PHLDB2: variants seen among roughly 807,000 people sequenced by gnomAD.
PHLDB2 encodes pleckstrin homology like domain family B member 2, also known as pleckstrin homology-like domain family B member 2.
In PHLDB2, 71 loss-of-function variants were observed where a neutral mutation model predicts 123.6. The ratio of observed to expected loss-of-function variants is 0.57; its 90% CI spans 0.47 to 0.70. The LOEUF is 0.70. PHLDB2 is among the 30% of genes least tolerant of loss of function. The probability of loss-of-function intolerance (pLI) is 0.00; values close to 1 mark genes in which losing one functional copy is unlikely to be tolerated. For synonymous variants in PHLDB2, 547 were observed against 541.6 expected (o/e 1.01, Z -0.14); for missense variants, 1,446 against 1,519.5 (o/e 0.95, Z 0.80).
intron 1 of PHLDB2, among the ~76,000 whole-genome samples, chr3:111,821,894 G>A (rs2062402203): frequency 6.6e-6 from 1 of 152,206 alleles, no homozygotes; most frequent in Admixed American, 6.5e-5. Context: ...ACCTAGGGGA[G>A]GCCCAGCAGG....
At chr3:111,761,710 G>A (rs968151646) in intron 1 of PHLDB2, among the ~76,000 whole-genome samples, 1 of 152,140 alleles carries the variant, frequency 6.6e-6, no homozygotes, top group Non-Finnish European at 1.5e-5. Flanking sequence ...ACATGTGGGT[G>A]GGGCAAGAGA....
intron 1 of PHLDB2, among the ~76,000 whole-genome samples, chr3:111,807,021 AT>A (rs555410099): frequency 4.0e-5 from 6 of 151,730 alleles, no homozygotes; most frequent in Admixed American, 4.0e-4. Flanking sequence ...ACATTTGCCG[AT>A]TCTCAGTCCA....
chr3:111,780,328 GAAGAAGAAGAAGAAGAAGAA>G lies in PHLDB2; in HGVS notation c.-49+47626_-49+47645del, dbSNP rs1328857940. On this transcript the variant is annotated intron_variant, in intron 1 of 17. Transcript: ENST00000393923. The stretch of plus-strand genomic sequence containing the variant: ...GGAAGAGGAAGAGGAAGAGGAAGAA[GAAGAAGAAGAAGAAGAAGAA>G]GAAGAAGAAGAAGAAGAAGAAGAAG... 2.8e-3 allele frequency among the ~76,000 whole-genome samples: 32 copies of G among 11,610 alleles called. 1 individual carries two copies. Among genetic ancestry groups the G allele is most frequent in the South Asian group, 0.019 (1 of 54 alleles). 7.6% of individuals were successfully genotyped at this position (11,610 alleles called of 152,430 possible).
At chr3:111,952,995 A>T (rs1157670435) in intron 11 of PHLDB2, among the ~76,000 whole-genome samples, 1 of 152,224 alleles carries the variant, frequency 6.6e-6, no homozygotes, top group African/African-American at 2.4e-5. Context: ...TGCATCCCAC[A>T]TCTGGAGATA....
intron 12 of PHLDB2, among the ~76,000 whole-genome samples, chr3:111,959,134 A>G (rs1029085217): frequency 4.6e-5 from 7 of 152,218 alleles, no homozygotes; most frequent in East Asian, 3.8e-4. Context: ...CTGATCTTCT[A>G]TGACGTTTCC....
At chr3:111,894,997 TAAAG>T (rs2066740010) in intron 2 of PHLDB2, among the ~76,000 whole-genome samples, 1 of 151,734 alleles carries the variant, frequency 6.6e-6, no homozygotes. Context: ...GATTAAATAT[TAAAG>T]GAATTAATCA....
chr3:111,968,290 T>C (rs2071933816), intron 15 of PHLDB2, among the ~76,000 whole-genome samples: 1 of 152,184 alleles, frequency 6.6e-6, no homozygotes, highest in Non-Finnish European at 1.5e-5. Context: ...CCAAGTCCAG[T>C]GTCTTTGTCA....
At chr3:111,792,035 A>C (rs1309910282) in intron 1 of PHLDB2, among the ~76,000 whole-genome samples, 1 of 152,096 alleles carries the variant, frequency 6.6e-6, no homozygotes, top group South Asian at 2.1e-4. Flanking sequence ...CTTCCATGAG[A>C]TCAACTTTTT....
chr3:111,940,984 G>T (rs2069838664), intron 8 of PHLDB2, among the ~76,000 whole-genome samples: 1 of 152,160 alleles, frequency 6.6e-6, no homozygotes, highest in East Asian at 1.9e-4. Flanking sequence ...CACCAATTTA[G>T]GGTGGACTTA....
rs200159078 is a variant in PHLDB2 at position 111,919,099 on chromosome 3, A to G, written c.1747A>G (p.Arg583Gly). ...KTPEGISEEQ[R>G]SQELAAMEET... ...CCCAGAGGGTATAAGTGAAGAACAG[A>G]GATCTCAGGAGTTGGCTGCAATGGA... Residue 583 changes from arginine (R) to glycine (G), a missense_variant, in exon 4 of 18, where the codon AGA becomes GGA. Arg to Gly is a moderately radical substitution (Grantham distance 125). Around this residue, in one of 3 missense-constraint regions of PHLDB2, gnomAD observed 832 missense variants for 831.9 expected, o/e 1.00. Coordinates refer to ENST00000431670, the MANE Select transcript of PHLDB2 (RefSeq NM_001134438.2). The G allele has an allele frequency of 6.4e-5, 104 of 1,613,948 alleles. No individual in the cohort carries two copies. Among genetic ancestry groups the G allele is most frequent in the Non-Finnish European group, 8.6e-5 (102 of 1,179,886 alleles).
chr3:111,848,381 C>T (rs974955670), intron 2 of PHLDB2, among the ~76,000 whole-genome samples: 3 of 152,198 alleles, frequency 2.0e-5, no homozygotes, highest in Non-Finnish European at 4.4e-5. Context: ...ACTTTGATAA[C>T]TTCTGCAGGA....
At chr3:111,856,132 C>G (rs1459414357), upstream of PHLDB2, among the ~76,000 whole-genome samples, 1 of 152,286 alleles carries the variant, frequency 6.6e-6, no homozygotes, top group South Asian at 2.1e-4. Context: ...ATGATTCATA[C>G]AAATATGAAT....
At chr3:111,780,297 G>A (rs28704044) in intron 1 of PHLDB2, among the ~76,000 whole-genome samples, 4,762 of 7,098 alleles carry the variant, frequency 0.67, 1,883 homozygotes, top group Non-Finnish European at 0.79. Context: ...AAGAAGAAGA[G>A]GAAGAGGAAG....
At chr3:111,949,721 C>T in intron 10 of PHLDB2, 2 of 985,604 alleles carry the variant, frequency 2.0e-6, no homozygotes, top group Non-Finnish European at 2.4e-6. Flanking sequence ...CCTGTCTATT[C>T]TGGATTTGTG....
intron 5 of PHLDB2, among the ~76,000 whole-genome samples, chr3:111,925,264 C>T (rs146659123): frequency 2.8e-4 from 42 of 152,302 alleles, no homozygotes; most frequent in African/African-American, 7.2e-4. Flanking sequence ...AAAATATAAA[C>T]CATAGGCATA....
At chr3:111,962,396 T>C in intron 13 of PHLDB2, 84 bp downstream of exon 13, 1 of 1,358,334 alleles carries the variant, frequency 7.4e-7, no homozygotes, top group Middle Eastern at 1.9e-4. Flanking sequence ...TTGGGAACTG[T>C]ATATGCACAA....
intron 14 of PHLDB2, 28 bp from the exon 15 acceptor site, chr3:111,967,650 A>G: frequency 6.3e-7 from 1 of 1,580,738 alleles, no homozygotes; most frequent in East Asian, 2.3e-5. Flanking sequence ...TATGTTTTAA[A>G]ATAATCATTG....
At chr3:111,945,159 T>C (rs1235576844) in intron 8 of PHLDB2, 109 bp from the exon 9 acceptor site, 1 of 742,306 alleles carries the variant, frequency 1.3e-6, no homozygotes, top group Non-Finnish European at 2.3e-6. Flanking sequence ...GAAATAGAAA[T>C]GGGGGAAATA....
At chr3:111,801,088 A>G (rs1447327173) in intron 1 of PHLDB2, among the ~76,000 whole-genome samples, 1 of 152,224 alleles carries the variant, frequency 6.6e-6, no homozygotes, top group African/African-American at 2.4e-5. Flanking sequence ...TGTGGGGTCA[A>G]ATTCAATGGC....
Sources: gnomAD v4.1 joint callset for allele counts (sites outside exome capture counted in the v4.1 genomes callset) on GRCh38, gnomAD v4.1.1 for gene constraint, gnomAD v4.1.1 regional missense constraint, MANE v1.5 for transcripts, NCBI Gene and HGNC (gene_info 2026-07-23, HGNC 2026-07-21) for gene names.